The following SLC44A2 variants were observed in gnomAD, a reference collection of about 807,000 sequenced individuals.
The protein encoded by SLC44A2 is choline transporter-like protein 2.
A neutral mutation model predicts 90.8 loss-of-function variants in SLC44A2; 57 were observed. The ratio of observed to expected loss-of-function variants is 0.63; its 90% confidence interval spans 0.51 to 0.78. SLC44A2 has a LOEUF of 0.78. Among genes scored for constraint, SLC44A2 ranks in the 30% least tolerant of loss-of-function variants. The pLI, the probability that SLC44A2 is intolerant of heterozygous loss-of-function variation, is 0.00. For missense variants in SLC44A2, 794 were observed against 919.7 expected (o/e 0.86, Z 1.77); for synonymous variants, 355 against 360.7 (o/e 0.98, Z 0.18).
chr19:10,635,587 C>A, intron 14 of SLC44A2, 72 bp downstream of exon 14: 1 of 1,356,490 alleles, frequency 7.4e-7, no homozygotes, highest in South Asian at 1.2e-5. Context: ...CCTCTCATGT[C>A]CACTTGGAGG....
Position 10,636,385 on chromosome 19 carries a change from C to A in SLC44A2, c.1296C>A (p.Tyr432Ter), listed in dbSNP as rs1381430201. Reference protein sequence around the residue: ...CPNARCQFAFYGGESGYHRAL... With the variant: ...CPNARCQFAF ...ATGCCCGTTGCCAGTTCGCCTTCTA[C>A]GGTGGTGAGTCGGGCTACCACCGGG... The change falls in exon 15 of 22, where the codon TAC (tyrosine) becomes TAA (stop). Residue 432 changes from tyrosine (Y) to a stop codon, truncating the protein, a stop_gained. Transcript: ENST00000335757. LOFTEE classifies it high-confidence loss of function. 2 of 1,613,762 alleles carry A rather than the reference C, an allele frequency of 1.2e-6. No homozygotes were observed. Among genetic ancestry groups the A allele is most frequent in the Non-Finnish European group, 1.7e-6 (2 of 1,179,980 alleles).
At chr19:10,642,102 A>G (rs1425378815) in intron 20 of SLC44A2, among the ~76,000 whole-genome samples, 1 of 151,084 alleles carries the variant, frequency 6.6e-6, no homozygotes. Flanking sequence ...GGTTGTAGTG[A>G]GCCAAGATCG....
At position 10,627,963 on chromosome 19, in the gene SLC44A2, C is replaced by T. The variant is rs3087969; in HGVS notation, c.204C>T (p.Asp68=). ...GDPRKVIYPT[D]SRGEFCGQKG... ...CTCGAAAGGTGATCTACCCCACTGA[C>T]AGCCGGGGCGAGTTCTGCGGGCAGA... Residue 68 remains aspartate, a synonymous_variant, in exon 4 of 22, where the codon GAC becomes GAT. Coordinates refer to ENST00000335757, the MANE Select transcript of SLC44A2 (RefSeq NM_020428.4). The T allele has an allele frequency of 0.78, 1,261,144 of 1,613,262 alleles. 494,069 individuals are homozygous for T. The highest frequency in any genetic ancestry group is 0.86 in the Admixed American group (51,578 of 59,892).
intron 1 of SLC44A2, among the ~76,000 whole-genome samples, chr19:10,615,156 C>T (rs934920794): frequency 1.1e-4 from 16 of 151,172 alleles, no homozygotes; most frequent in African/African-American, 3.4e-4. Context: ...AGAGGCTGGG[C>T]GTGGTGGCTC....
chr19:10,611,313 G>T (rs1357749706), intron 1 of SLC44A2, among the ~76,000 whole-genome samples: 2 of 152,090 alleles, frequency 1.3e-5, no homozygotes, highest in Non-Finnish European at 2.9e-5. Flanking sequence ...TTAGCCAGGC[G>T]TGGTGGCAGG....
upstream of SLC44A2, among the ~76,000 whole-genome samples, chr19:10,623,294 TAGG>T (rs2066905618): frequency 1.3e-5 from 2 of 152,130 alleles, no homozygotes; most frequent in Non-Finnish European, 2.9e-5. Flanking sequence ...TGGTGGCTAC[TAGG>T]AGGAGAGGGC....
At position 10,631,921 on chromosome 19, in the gene SLC44A2, A is replaced by G. The variant is rs777262436; in HGVS notation, c.680A>G (p.Asp227Gly). 2.5e-6 allele frequency: 4 copies of G among 1,614,068 alleles called. No individual in the cohort carries two copies. The African/African-American group carries it at 5.3e-5, about 22-fold the overall frequency. The stretch of plus-strand genomic sequence containing the variant: ...CAACTCGCCATGCGCATATTTGAAG[A>G]TTACACCGTCTCTTGGTACTGGATT... The part of the protein sequence containing the change: ...ARQLAMRIFE[D>G]YTVSWYWIII... The change falls in exon 9 of 22, where the codon GAT (aspartate) becomes GGT (glycine). Residue 227 changes from aspartate to glycine, a missense_variant. Physicochemically the swap from Asp to Gly is moderately conservative, Grantham distance 94 (BLOSUM62 -1). Around this residue, in one of 3 missense-constraint regions of SLC44A2, gnomAD observed 738 missense variants for 841.1 expected, o/e 0.88. Transcript: ENST00000335757.
At chr19:10,626,220 A>C (rs1023200567) in intron 1 of SLC44A2, 33 bp from the exon 2 acceptor site, 2 of 1,592,200 alleles carry the variant, frequency 1.3e-6, no homozygotes, top group African/African-American at 2.7e-5. Flanking sequence ...TCAGGTCTCC[A>C]ATCCCATCCA....
rs530400398 is a variant in SLC44A2 at position 10,607,380 on chromosome 19, C to T, written c.31+4819C>T. On this transcript the variant is annotated intron_variant, in intron 1 of 21. Coordinates refer to the SLC44A2 transcript ENST00000407327. ...TGTTGTTTATACACAGGGTCTCACTCTGTCACCCAGGCTGGGCTAGAGTGC... is the reference window on the plus strand; with the variant it reads ...TGTTGTTTATACACAGGGTCTCACTTTGTCACCCAGGCTGGGCTAGAGTGC... Among the ~76,000 whole-genome samples, 20 of 152,190 alleles carry T rather than the reference C, an allele frequency of 1.3e-4. No individual in the cohort carries two copies. In the South Asian group the frequency reaches 3.9e-3, roughly 30 times the overall value.
At chr19:10,633,912 C>T (rs1468382489) in intron 10 of SLC44A2, among the ~76,000 whole-genome samples, 3 of 150,940 alleles carry the variant, frequency 2.0e-5, no homozygotes, top group African/African-American at 4.9e-5. Flanking sequence ...CAGAGGTGGG[C>T]GGATCACCTG....
At chr19:10,604,330 A>G (rs779770248) in intron 1 of SLC44A2, among the ~76,000 whole-genome samples, 2 of 152,216 alleles carry the variant, frequency 1.3e-5, no homozygotes, top group Non-Finnish European at 2.9e-5. Context: ...AAGAACAGCA[A>G]ACAAACCACG....
At chr19:10,608,883 T>C (rs1270551194) in intron 1 of SLC44A2, among the ~76,000 whole-genome samples, 1 of 151,606 alleles carries the variant, frequency 6.6e-6, no homozygotes, top group Non-Finnish European at 1.5e-5. Flanking sequence ...ACTCCTGGGC[T>C]CAAGCTATCC....
At chr19:10,624,943 T>C (rs746855087), upstream of SLC44A2, among the ~76,000 whole-genome samples, 14 of 152,144 alleles carry the variant, frequency 9.2e-5, no homozygotes, top group African/African-American at 1.2e-4. Context: ...AAGATGAGCC[T>C]GGGCAACATA....
upstream of SLC44A2, among the ~76,000 whole-genome samples, chr19:10,622,059 G>A (rs947223890): frequency 6.6e-6 from 1 of 152,216 alleles, no homozygotes. Flanking sequence ...ACCACGCCTT[G>A]CCAAGGTGAT....
chr19:10,616,523 G>A (rs943206441), intron 1 of SLC44A2, among the ~76,000 whole-genome samples: 4 of 152,006 alleles, frequency 2.6e-5, no homozygotes, highest in South Asian at 4.2e-4. Context: ...AAAGTGCTAG[G>A]ATTACAGGAT....
intron 20 of SLC44A2, among the ~76,000 whole-genome samples, chr19:10,639,441 G>T (rs865895675): frequency 0.077 from 1,048 of 13,668 alleles, 12 homozygotes; most frequent in African/African-American, 0.33. Context: ...GGCAGGTGTG[G>T]GGGGGGTCCA....
At chr19:10,605,767 G>A (rs1918083589) in intron 1 of SLC44A2, among the ~76,000 whole-genome samples, 1 of 152,062 alleles carries the variant, frequency 6.6e-6, no homozygotes, top group South Asian at 2.1e-4. Flanking sequence ...GCTGAGGTGG[G>A]TGGGTCACTT....
rs1167902713 is a variant in SLC44A2 at position 10,643,712 on chromosome 19, G to A, written c.*327G>A. 3.6e-5 allele frequency: 9 copies of A among 248,960 alleles called. No individual in the cohort carries two copies. Among genetic ancestry groups the A allele is most frequent in the Admixed American group, 1.0e-4 (2 of 19,172 alleles). The allele number at this position is 248,960 out of a possible 1,614,324, so 15.4% of individuals were successfully genotyped here. A position where few individuals can be genotyped will look rare whatever the true frequency, so the allele number is the denominator to read the frequency against. ...TCCTGTCCCCCGCTTACACGACAAC[G>A]GGCCAGACCACAGGAAGGACGGTGT... On this transcript the variant is annotated 3_prime_UTR_variant, in exon 22 of 22. Coordinates refer to ENST00000335757, the MANE Select transcript of SLC44A2 (RefSeq NM_020428.4).
At chr19:10,623,958 G>T (rs1331202026), upstream of SLC44A2, among the ~76,000 whole-genome samples, 2 of 151,758 alleles carry the variant, frequency 1.3e-5, no homozygotes, top group Non-Finnish European at 2.9e-5. Context: ...CACAGTGCTG[G>T]GATTACAGGC....
Sources: gnomAD v4.1 joint callset for allele counts (sites outside exome capture counted in the v4.1 genomes callset) on GRCh38, gnomAD v4.1.1 for gene constraint, gnomAD v4.1.1 regional missense constraint, MANE v1.5 for transcripts, NCBI Gene and HGNC (gene_info 2026-07-23, HGNC 2026-07-21) for gene names.